Variants in NLRP12 observed in about 807,000 individuals in gnomAD.
NLRP12 encodes NLR family pyrin domain containing 12, also known as NACHT, LRR and PYD domains-containing protein 12.
A neutral mutation model predicts 91.2 loss-of-function variants in NLRP12; 108 were observed. The ratio of observed to expected loss-of-function variants is 1.18; its 90% confidence interval spans 1.01 to 1.39. The LOEUF (loss-of-function observed/expected upper bound fraction) is 1.39. NLRP12 is among the 40% of genes most tolerant of loss of function. NLRP12 has a pLI of 0.00. For synonymous variants in NLRP12, 613 were observed against 566.7 expected, an observed-to-expected ratio of 1.08 and a Z score of -1.16; for missense variants, 1,530 against 1,352.7, an observed-to-expected ratio of 1.13 and a Z score of -2.06.
intron 3 of NLRP12, chr19:53,807,981 C>G (rs970003663): frequency 3.2e-5 from 12 of 371,198 alleles, no homozygotes; most frequent in Non-Finnish European, 6.3e-5. Context: ...TACTCCTGAC[C>G]TCAGGTGATC....
At position 53,795,850 on chromosome 19, in the gene NLRP12, A is replaced by G; in HGVS notation, c.3098+9T>C. The G allele has an allele frequency of 6.2e-7, 1 of 1,613,826 alleles. No homozygotes were observed. The highest frequency in any genetic ancestry group is 8.5e-7 in the Non-Finnish European group (1 of 1,179,768). ...CCTCCTCCAGAAAGAACTGGTCATC[A>G]TCCCTCACCAGAGGACTCGGAGTTT... On this transcript the variant is annotated intron_variant, in intron 9 of 9. Transcript: ENST00000324134.
chr19:53,812,857 G>A (rs912356896), intron 2 of NLRP12, among the ~76,000 whole-genome samples: 9 of 150,876 alleles, frequency 6.0e-5, no homozygotes, highest in African/African-American at 1.9e-4. Context: ...CTAAGTTCAC[G>A]ATGTTGTGCA....
intron 3 of NLRP12, chr19:53,808,375 A>T (rs2122644096): frequency 6.2e-6 from 1 of 160,142 alleles, no homozygotes; most frequent in South Asian, 1.7e-4. Context: ...CTCTCTTGGG[A>T]CCATTGGCTT....
In NLRP12 at chr19:53,809,601, CG is replaced by C; in HGVS notation, c.2057del (p.Thr686SerfsTer30). 6.2e-7 allele frequency: 1 copy of C among 1,611,438 alleles called. No individual in the cohort carries two copies. The highest frequency in any genetic ancestry group is 8.5e-7 in the Non-Finnish European group (1 of 1,179,614). ...GGGATACTTACAGCTGCACCAACAG[CG>C]TGTGCGCTCCTGCGGAGCACCTCGC... ...DRARCSAGAH[T>X]LLVQLPERTV... On this transcript the variant is annotated frameshift_variant, in exon 3 of 10. Transcript: ENST00000324134. LOFTEE classifies it high-confidence loss of function.
At chr19:53,823,423 T>TATATATTTTAAA (rs1555799936) in intron 1 of NLRP12, among the ~76,000 whole-genome samples, 9 of 109,896 alleles carry the variant, frequency 8.2e-5, no homozygotes, top group East Asian at 4.7e-4. Flanking sequence ...ATGTTTTAAA[T>TATATATTTTAAA]ATATATATTT....
rs2092039753 is a variant in NLRP12, at chr19:53,810,110, A to C, written c.1549T>G (p.Phe517Val). The C allele has an allele frequency of 6.2e-7, 1 of 1,614,018 alleles. No homozygotes were observed. The highest frequency in any genetic ancestry group is 8.5e-7 in the Non-Finnish European group (1 of 1,180,034). ...TACATAGCTGCAAAGAATTCCTGGA[A>C]ACTCAAGTGGATGAAGCTGTAGTAC... The part of the protein sequence containing the change: ...ERYYSFIHLS[F>V]QEFFAAMYYI... The change falls in exon 3 of 10, where the codon TTC becomes GTC. Residue 517 changes from phenylalanine (F) to valine (V), a missense_variant. Phe to Val is a conservative substitution (Grantham distance 50). Transcript: ENST00000324134.
Position 53,795,862 on chromosome 19 carries a change from A to G in NLRP12, c.3095T>C (p.Leu1032Pro), listed in dbSNP as rs2091747039. 1.9e-6 allele frequency: 3 copies of G among 1,613,878 alleles called. No homozygotes were observed. The highest frequency in any genetic ancestry group is 2.7e-5 in the African/African-American group (2 of 74,924). Residue 1032 changes from leucine (L) to proline (P), a missense_variant, in exon 9 of 10, where the codon CTC (leucine) becomes CCC (proline). Coordinates refer to ENST00000324134, the MANE Select transcript of NLRP12 (RefSeq NM_144687.4). ...AGAACTGGTCATCATCCCTCACCAG[A>G]GGACTCGGAGTTTGCAGCCAGGATG... ...LSHPGCKLRV[L>P]WLFGMDLNKM...
At chr19:53,818,991 G>A (rs1006149993) in intron 1 of NLRP12, among the ~76,000 whole-genome samples, 13 of 152,170 alleles carry the variant, frequency 8.5e-5, no homozygotes, top group Admixed American at 8.5e-4. Flanking sequence ...AAAGAGCAAA[G>A]CTAGACATCT....
At chr19:53,823,379 TTATA>T (rs893753409) in intron 1 of NLRP12, among the ~76,000 whole-genome samples, 8 of 135,524 alleles carry the variant, frequency 5.9e-5, no homozygotes, top group Non-Finnish European at 1.5e-5. Context: ...AATAATATAA[TTATA>T]TACATATTTT....
intron 1 of NLRP12, among the ~76,000 whole-genome samples, chr19:53,819,076 G>T (rs1022652980): frequency 1.3e-5 from 2 of 152,208 alleles, no homozygotes; most frequent in Admixed American, 1.3e-4. Context: ...TCGGCAAATG[G>T]TTATGCATTG....
Position 53,810,900 on chromosome 19 carries a change from C to A in NLRP12, c.759G>T (p.Arg253Ser). Residue 253 changes from arginine (R) to serine (S), a missense_variant, in exon 3 of 10, where the codon AGG becomes AGT. Coordinates refer to ENST00000324134, the MANE Select transcript of NLRP12 (RefSeq NM_144687.4). ...RFDYLFYINC[R>S]EMNQSATECS... ...ATTCCGTGGCACTCTGGTTCATCTC[C>A]CTGCAGTTGATGTAGAAGAGATAAT... The A allele has an allele frequency of 6.2e-7, 1 of 1,614,124 alleles. No individual in the cohort carries two copies. The highest frequency in any genetic ancestry group is 8.5e-7 in the Non-Finnish European group (1 of 1,180,026).
At chr19:53,812,881 CTTTT>C (rs35896834) in intron 2 of NLRP12, among the ~76,000 whole-genome samples, 4 of 125,528 alleles carry the variant, frequency 3.2e-5, no homozygotes, top group Non-Finnish European at 5.0e-5. Context: ...ATCAATATCT[CTTTT>C]TTTTTTTTTT....
chr19:53,812,480 G>A (rs1462820222), intron 2 of NLRP12, among the ~76,000 whole-genome samples: 3 of 151,954 alleles, frequency 2.0e-5, no homozygotes, highest in African/African-American at 7.3e-5. Context: ...AGTTCCCCAG[G>A]GGACATTTGG....
chr19:53,823,447 T>TAAATATATATTTTAAATATATATTTA (rs2092294815), intron 1 of NLRP12, among the ~76,000 whole-genome samples: 1 of 66,010 alleles, frequency 1.5e-5, no homozygotes, highest in African/African-American at 4.3e-5. Flanking sequence ...ATATATGTTT[T>TAAATATATATTTTAAATATATATTTA]AAATATATAT....
At chr19:53,802,056 C>T (rs982865843) in intron 6 of NLRP12, among the ~76,000 whole-genome samples, 2 of 151,772 alleles carry the variant, frequency 1.3e-5, no homozygotes, top group Admixed American at 6.6e-5. Flanking sequence ...GGTGAAACCC[C>T]GTCTCTACTA....
rs765899174 is a variant in NLRP12, at chr19:53,810,046, TCTGGG to T, written c.1608_1612del (p.Asp538GlyfsTer13). The T allele has an allele frequency of 7.4e-6, 12 of 1,614,132 alleles. No homozygotes were observed. Among genetic ancestry groups the T allele is most frequent in the Non-Finnish European group, 6.8e-6 (8 of 1,180,012 alleles). On this transcript the variant is annotated frameshift_variant, in exon 3 of 10. Coordinates refer to ENST00000324134, the MANE Select transcript of NLRP12 (RefSeq NM_144687.4). LOFTEE classifies it high-confidence loss of function. ...GGTCAACAGCCTGGTCACGTCCTGGTCTGGGCCTGCCCCGCCCTCCCCCTCGTCCA... is the reference window on the plus strand; with the variant it reads ...GGTCAACAGCCTGGTCACGTCCTGGTCCTGCCCCGCCCTCCCCCTCGTCCA...
intron 3 of NLRP12, chr19:53,808,617 A>C (rs564436632): frequency 6.6e-6 from 1 of 152,336 alleles, no homozygotes; most frequent in East Asian, 1.9e-4. Flanking sequence ...AGGCTGAGAC[A>C]CGCAAGGTGG....
intron 1 of NLRP12, 36 bp downstream of exon 1, chr19:53,823,850 G>A (rs1242253510): frequency 3.1e-6 from 5 of 1,611,690 alleles, no homozygotes; most frequent in Non-Finnish European, 4.2e-6. Context: ...GGACCCGGCT[G>A]GCATTCTAGC....
chr19:53,811,118 G>A lies in NLRP12; in HGVS notation c.541C>T (p.Arg181Trp), dbSNP rs758607519. 93 of 1,613,922 alleles carry A rather than the reference G, an allele frequency of 5.8e-5. No individual in the cohort carries two copies. The highest frequency in any genetic ancestry group is 1.6e-4 in the Middle Eastern group (1 of 6,084). ...QVQQQLLDTG[R>W]GHARTVGHQA... is the part of the protein sequence containing the mutation. Reference sequence around the variant, plus strand: ...TGTCCCACGGTCCTCGCGTGTCCCCGGCCTGTGTCCAGAAGCTGCTGCTGG... The same window carrying A: ...TGTCCCACGGTCCTCGCGTGTCCCCAGCCTGTGTCCAGAAGCTGCTGCTGG... The change falls in exon 3 of 10, where the codon CGG (arginine) becomes TGG (tryptophan). Residue 181 changes from arginine to tryptophan, a missense_variant. Physicochemically the swap from Arg to Trp is moderately radical, Grantham distance 101. Transcript: ENST00000324134.
Sources: allele counts gnomAD v4.1 joint callset (sites outside exome capture counted in the v4.1 genomes callset), GRCh38; gene constraint gnomAD v4.1.1; transcripts MANE v1.5; gene names NCBI Gene and HGNC (gene_info 2026-07-23, HGNC 2026-07-21).